Variants in KCND2 observed in about 807,000 individuals in gnomAD.
KCND2 encodes the protein potassium voltage-gated channel subfamily D member 2.
In KCND2, 16 loss-of-function variants were observed where a neutral mutation model predicts 54.4. The observed-to-expected ratio is 0.29, with a 90% CI of 0.20 to 0.45. The LOEUF (loss-of-function observed/expected upper bound fraction) is 0.45. KCND2 is among the 20% of genes least tolerant of loss of function. The pLI, the probability that KCND2 is intolerant of heterozygous loss-of-function variation, is 1.00. For missense variants in KCND2, 486 were observed against 824.2 expected (o/e 0.59, Z 5.02); for synonymous variants, 317 against 310.7 (o/e 1.02, Z -0.21).
chr7:120,717,715 C>T (rs1201149337), intron 1 of KCND2, among the ~76,000 whole-genome samples: 1 of 152,034 alleles, frequency 6.6e-6, no homozygotes, highest in Non-Finnish European at 1.5e-5. Context: ...AAAACCACAT[C>T]TCTTCTATTT....
intron 1 of KCND2, among the ~76,000 whole-genome samples, chr7:120,713,127 T>C (rs1370824009): frequency 2.6e-5 from 4 of 152,178 alleles, no homozygotes; most frequent in African/African-American, 9.6e-5. Flanking sequence ...AATGTATTTT[T>C]CCATATAAGG....
rs560539894 is a variant in KCND2 at position 120,341,231 on chromosome 7, CTG to C, written c.1115+65487_1115+65488del. ...GGAGGTGTTCAGAAGAAAGGAAAAA[CTG>C]TGAAATAGTTCTCCAAGATAGTGGA... On this transcript the variant is annotated intron_variant, in intron 1 of 5. Transcript: ENST00000331113. Among the ~76,000 whole-genome samples, 809 of 152,232 alleles carry C rather than the reference CTG, an allele frequency of 5.3e-3. 7 individuals are homozygous for C. Among genetic ancestry groups the C allele is most frequent in the African/African-American group, 0.018 (757 of 41,550 alleles).
At chr7:120,418,496 G>A (rs1801559031) in intron 1 of KCND2, among the ~76,000 whole-genome samples, 1 of 152,102 alleles carries the variant, frequency 6.6e-6, no homozygotes, top group African/African-American at 2.4e-5. Flanking sequence ...TGTTCCAATG[G>A]GTCTCAAACC....
At chr7:120,351,157 A>G (rs1180970846) in intron 1 of KCND2, among the ~76,000 whole-genome samples, 1 of 150,006 alleles carries the variant, frequency 6.7e-6, no homozygotes, top group Non-Finnish European at 1.5e-5. Context: ...ATTGTGCATT[A>G]TATATTAAAC....
At chr7:120,299,528 C>T (rs561435869) in intron 1 of KCND2, among the ~76,000 whole-genome samples, 5 of 152,152 alleles carry the variant, frequency 3.3e-5, no homozygotes, top group Admixed American at 3.3e-4. Flanking sequence ...TAATAGAAAA[C>T]CTAAAACTAA....
chr7:120,439,724 C>A (rs1486420645), intron 1 of KCND2, among the ~76,000 whole-genome samples: 2 of 152,044 alleles, frequency 1.3e-5, no homozygotes, highest in Admixed American at 6.6e-5. Context: ...TGCTCATCTT[C>A]TTATCTCCCA....
In KCND2 at chr7:120,432,767, C is replaced by A. The variant is rs1044948540; in HGVS notation, c.1115+157020C>A. The stretch of plus-strand genomic sequence containing the variant: ...TATAATTTTTATCAAAGGGAAACTT[C>A]CCTGGGGTTGCCTTGCTTGGACACC... On this transcript the variant is annotated intron_variant, in intron 1 of 5. Coordinates refer to ENST00000331113, the MANE Select transcript of KCND2 (RefSeq NM_012281.3). 4.6e-5 allele frequency among the ~76,000 whole-genome samples: 7 copies of A among 152,118 alleles called. No individual in the cohort carries two copies. The South Asian group carries it at 8.3e-4, about 18-fold the overall frequency.
chr7:120,542,779 A>G (rs190454943), intron 1 of KCND2, among the ~76,000 whole-genome samples: 3 of 152,284 alleles, frequency 2.0e-5, no homozygotes, highest in South Asian at 4.1e-4. Context: ...AGAGATGGTG[A>G]ATACCAAAAT....
rs373584767 is a variant in KCND2, at chr7:120,623,361, T to C, written c.1116-109542T>C. Among the ~76,000 whole-genome samples the C allele has an allele frequency of 2.0e-5, 3 of 152,202 alleles. No homozygotes were observed. In the East Asian group the frequency reaches 5.8e-4, roughly 29 times the overall value. ...CCATCCCCTATCCCCTACAACTTTG[T>C]TTATACTTCTCTTATGACGCTTACA... On this transcript the variant is annotated intron_variant, in intron 1 of 5. Transcript: ENST00000331113.
intron 1 of KCND2, among the ~76,000 whole-genome samples, chr7:120,565,224 A>T (rs1270323390): frequency 1.3e-5 from 2 of 152,198 alleles, no homozygotes; most frequent in African/African-American, 4.8e-5. Context: ...CTTTTCTGTG[A>T]CCTTAGGCAA....
chr7:120,642,062 T>C (rs1793383493), intron 1 of KCND2, among the ~76,000 whole-genome samples: 1 of 152,060 alleles, frequency 6.6e-6, no homozygotes, highest in Non-Finnish European at 1.5e-5. Context: ...TCTGGATGTT[T>C]GTTGTTGAAA....
intron 1 of KCND2, among the ~76,000 whole-genome samples, chr7:120,409,119 G>A (rs1057031858): frequency 6.6e-6 from 1 of 151,864 alleles, no homozygotes; most frequent in Admixed American, 6.6e-5. Flanking sequence ...TTCCAATTTG[G>A]AAAACAGAAT....
chr7:120,689,057 G>C (rs555183486), intron 1 of KCND2, among the ~76,000 whole-genome samples: 1 of 152,226 alleles, frequency 6.6e-6, no homozygotes, highest in African/African-American at 2.4e-5. Context: ...CAGTTCTTTA[G>C]AGAGCCTTAT....
chr7:120,542,197 T>C (rs1488466084), intron 1 of KCND2, among the ~76,000 whole-genome samples: 3 of 152,138 alleles, frequency 2.0e-5, no homozygotes, highest in Admixed American at 6.6e-5. Flanking sequence ...CAGATGATAA[T>C]ATCAATATAT....
intron 1 of KCND2, among the ~76,000 whole-genome samples, chr7:120,658,052 G>A (rs1274760862): frequency 6.6e-6 from 1 of 152,064 alleles, no homozygotes; most frequent in Non-Finnish European, 1.5e-5. Flanking sequence ...TTTAGCTTCT[G>A]GTCTGTATGC....
intron 5 of KCND2, among the ~76,000 whole-genome samples, 161 bp from the exon 6 acceptor site, chr7:120,747,520 T>A (rs1449289535): frequency 1.3e-5 from 2 of 152,282 alleles, no homozygotes; most frequent in African/African-American, 4.8e-5. Context: ...TATGTTCATC[T>A]TTAACATAGA....
chr7:120,632,938 T>C (rs1412312594), intron 1 of KCND2, among the ~76,000 whole-genome samples: 1 of 152,124 alleles, frequency 6.6e-6, no homozygotes, highest in Non-Finnish European at 1.5e-5. Flanking sequence ...CAGAATTCTC[T>C]CTCATTAAGT....
At chr7:120,706,633 A>G (rs1584891138) in intron 1 of KCND2, among the ~76,000 whole-genome samples, 1 of 152,204 alleles carries the variant, frequency 6.6e-6, no homozygotes, top group East Asian at 1.9e-4. Flanking sequence ...GACACATTCA[A>G]AAGATAGCAG....
At chr7:120,392,464 A>C (rs2116055361) in intron 1 of KCND2, among the ~76,000 whole-genome samples, 1 of 151,302 alleles carries the variant, frequency 6.6e-6, no homozygotes, top group South Asian at 2.1e-4. Context: ...TCTGTGATGA[A>C]GAAAGTTGAT....
Sources: allele counts gnomAD v4.1 joint callset (sites outside exome capture counted in the v4.1 genomes callset), GRCh38; gene constraint gnomAD v4.1.1; transcripts MANE v1.5; gene names NCBI Gene and HGNC (gene_info 2026-07-23, HGNC 2026-07-21).